Variants in SCHIP1 observed in about 807,000 individuals in gnomAD.
SCHIP1 encodes the protein schwannomin interacting protein 1, also known as schwannomin-interacting protein 1.
SCHIP1 carries 8 observed loss-of-function variants against 29.7 expected under a neutral mutation model. That is an observed-to-expected ratio of 0.27 (90% CI 0.16 to 0.49). The LOEUF (loss-of-function observed/expected upper bound fraction) is 0.49, where lower values mean the gene tolerates loss of function less well. Among genes scored for constraint, SCHIP1 ranks in the 20% least tolerant of loss-of-function variants. The pLI is 0.99. For missense variants in SCHIP1, 193 were observed against 294.6 expected (o/e 0.66, Z 2.52); for synonymous variants, 76 against 94.9 (o/e 0.80, Z 1.16).
At chr3:159,623,737 A>C in the SCHIP1 span, among the ~76,000 whole-genome samples, 1 of 152,188 alleles carries the variant, frequency 6.6e-6, no homozygotes, top group African/African-American at 2.4e-5. Context: ...ACTTGTATAA[A>C]ATTTGGAAGA....
At chr3:159,764,321 G>A in the SCHIP1 span, 8 of 1,232,348 alleles carry the variant, frequency 6.5e-6, no homozygotes, top group Middle Eastern at 5.5e-4. The surrounding 1 kb of genome is among the most constrained non-coding windows in gnomAD (Gnocchi z 6.1). Flanking sequence ...GCCTCCTTGG[G>A]GGACGCACCT....
the SCHIP1 span, among the ~76,000 whole-genome samples, chr3:159,824,874 C>G: frequency 6.6e-6 from 1 of 152,160 alleles, no homozygotes; most frequent in Non-Finnish European, 1.5e-5. Context: ...TCTAAGAAAA[C>G]AAATATGCTC....
the SCHIP1 span, among the ~76,000 whole-genome samples, chr3:159,800,334 G>C: frequency 6.6e-6 from 1 of 152,088 alleles, no homozygotes; most frequent in Non-Finnish European, 1.5e-5. Context: ...AGATCTCTGG[G>C]GATATCTCTT....
chr3:159,852,598 G>A (rs1577432943), intron 1 of SCHIP1, among the ~76,000 whole-genome samples: 4 of 152,200 alleles, frequency 2.6e-5, no homozygotes, highest in Middle Eastern at 6.8e-3. Context: ...TTGTGAAAAA[G>A]CCCGCCACTG....
At chr3:159,662,722 A>G in the SCHIP1 span, among the ~76,000 whole-genome samples, 1 of 152,154 alleles carries the variant, frequency 6.6e-6, no homozygotes. Context: ...CCCATTAACA[A>G]TTGTTATGTA....
chr3:159,726,354 T>A, the SCHIP1 span, among the ~76,000 whole-genome samples: 1 of 152,202 alleles, frequency 6.6e-6, no homozygotes, highest in Non-Finnish European at 1.5e-5. Flanking sequence ...GAATTCCAGG[T>A]GCAGAAATGT....
intron 2 of SCHIP1, among the ~76,000 whole-genome samples, chr3:159,883,280 G>C (rs1716629406): frequency 6.6e-6 from 1 of 152,182 alleles, no homozygotes. Context: ...GACTGTGCTT[G>C]AGAGATCTAG....
the SCHIP1 span, among the ~76,000 whole-genome samples, chr3:159,397,442 C>T: frequency 2.0e-5 from 3 of 152,078 alleles, no homozygotes; most frequent in Non-Finnish European, 4.4e-5. Context: ...TTTTCCCCAT[C>T]TTTGTGGTTT....
the SCHIP1 span, among the ~76,000 whole-genome samples, chr3:159,786,803 G>A: frequency 4.6e-5 from 7 of 151,946 alleles, no homozygotes; most frequent in Non-Finnish European, 8.8e-5. Context: ...AGCTGGACCA[G>A]CCACAGCACG....
At chr3:159,707,169 A>T in the SCHIP1 span, among the ~76,000 whole-genome samples, 2 of 152,210 alleles carry the variant, frequency 1.3e-5, no homozygotes, top group African/African-American at 4.8e-5. Context: ...TGGCTCTTTA[A>T]GTATATGACT....
the SCHIP1 span, among the ~76,000 whole-genome samples, chr3:159,652,889 G>A: frequency 3.3e-5 from 5 of 152,186 alleles, no homozygotes; most frequent in African/African-American, 1.2e-4. Context: ...AGATCACTGT[G>A]TTAAATAAAA....
At chr3:159,644,286 T>C in the SCHIP1 span, among the ~76,000 whole-genome samples, 1 of 152,150 alleles carries the variant, frequency 6.6e-6, no homozygotes, top group African/African-American at 2.4e-5. Flanking sequence ...GTATTGTTTA[T>C]TTACTTCTAT....
the SCHIP1 span, among the ~76,000 whole-genome samples, chr3:159,482,174 T>C: frequency 6.8e-4 from 103 of 152,296 alleles, no homozygotes; most frequent in African/African-American, 2.3e-3. Flanking sequence ...GAGAAAGGTA[T>C]GTTGGGACAA....
the SCHIP1 span, among the ~76,000 whole-genome samples, chr3:159,476,227 T>C: frequency 6.6e-6 from 1 of 152,156 alleles, no homozygotes; most frequent in Non-Finnish European, 1.5e-5. Context: ...TTAACGTCAG[T>C]TAAGGGCTGA....
intron 4 of SCHIP1, chr3:159,888,573 A>G: frequency 2.6e-6 from 1 of 391,514 alleles, no homozygotes; most frequent in Admixed American, 4.2e-5. Flanking sequence ...TTGACTCACA[A>G]CCCATATTAA....
At chr3:159,764,422 C>G in the SCHIP1 span, 2 of 1,564,344 alleles carry the variant, frequency 1.3e-6, no homozygotes, top group Non-Finnish European at 1.7e-6. The surrounding 1 kb of genome is among the most constrained non-coding windows in gnomAD (Gnocchi z 6.1). Context: ...CAGCAGCTCA[C>G]TCTCTACCTC....
At chr3:159,416,047 G>T in the SCHIP1 span, among the ~76,000 whole-genome samples, 4 of 152,080 alleles carry the variant, frequency 2.6e-5, no homozygotes, top group African/African-American at 9.7e-5. Context: ...CAAACTGATG[G>T]CCTCCAGGAT....
At chr3:159,703,610 G>C in the SCHIP1 span, among the ~76,000 whole-genome samples, 22 of 152,134 alleles carry the variant, frequency 1.4e-4, no homozygotes, top group Non-Finnish European at 1.6e-4. Flanking sequence ...GCTTTCTAGT[G>C]CGCTGAAGCA....
the SCHIP1 span, among the ~76,000 whole-genome samples, chr3:159,809,209 C>T: frequency 0.13 from 19,092 of 146,306 alleles, 1,429 homozygotes; most frequent in Middle Eastern, 0.3. Context: ...CATTGTTCAA[C>T]TACCACTGAT....
Sources: gnomAD v4.1 joint callset for allele counts (sites outside exome capture counted in the v4.1 genomes callset) on GRCh38, gnomAD v4.1.1 for gene constraint, Gnocchi (gnomAD v3.1) non-coding constraint, MANE v1.5 for transcripts, NCBI Gene and HGNC (gene_info 2026-07-23, HGNC 2026-07-21) for gene names.